Variants in MRPL18 observed in about 807,000 individuals in gnomAD.
MRPL18 encodes large ribosomal subunit protein uL18m.
MRPL18 carries 16 observed loss-of-function variants against 20.9 expected under a neutral mutation model. The ratio of observed to expected loss-of-function variants is 0.76; its 90% CI spans 0.52 to 1.16. The LOEUF (loss-of-function observed/expected upper bound fraction) is 1.16, where lower values mean the gene tolerates loss of function less well. MRPL18 is among the 50% of genes most tolerant of loss of function. The probability of loss-of-function intolerance (pLI) is 0.00; values close to 1 mark genes in which losing one functional copy is unlikely to be tolerated. For synonymous variants in MRPL18, 91 were observed against 87.1 expected (o/e 1.04, Z -0.25); for missense variants, 233 against 230.6 (o/e 1.01, Z -0.07).
At chr6:159,795,246 C>T (rs1780999902) in intron 2 of MRPL18, among the ~76,000 whole-genome samples, 1 of 152,150 alleles carries the variant, frequency 6.6e-6, no homozygotes, top group Admixed American at 6.5e-5. Context: ...GCATGCCTTC[C>T]TCTTATACTA....
rs1780986473 is a variant in MRPL18, at chr6:159,794,640, T to C, written c.240-2647T>C. ...ATCGAATTGTCTTGTCCATGCATTT[T>C]GTTAGTGAGATTGAGCATATTTTTG... On this transcript the variant is annotated intron_variant, in intron 2 of 3. Transcript: ENST00000367034. Among the ~76,000 whole-genome samples the C allele has an allele frequency of 2.0e-5, 3 of 152,366 alleles. No homozygotes were observed. In the South Asian group the frequency reaches 6.2e-4, roughly 32 times the overall value.
chr6:159,790,169 G>C, upstream of MRPL18: 1 of 238,848 alleles, frequency 4.2e-6, no homozygotes, highest in South Asian at 7.1e-5. Flanking sequence ...GGAGAAAACT[G>C]CATCTTGCCC....
intron 1 of MRPL18, 24 bp downstream of exon 1, chr6:159,790,663 C>G (rs775713593): frequency 6.2e-7 from 1 of 1,613,320 alleles, no homozygotes; most frequent in Non-Finnish European, 8.5e-7. Flanking sequence ...CCCCCCTTCT[C>G]CCAGCTCACT....
rs374235021 is a variant in MRPL18 at position 159,797,436 on chromosome 6, G to A, written c.389G>A (p.Arg130Gln). 9 of 1,614,018 alleles carry A rather than the reference G, an allele frequency of 5.6e-6. No homozygotes were observed. The highest frequency in any genetic ancestry group is 4.4e-5 in the South Asian group (4 of 91,072). Reference protein sequence around the residue: ...RNVVACESIGRVLAQRCLEAG... With the variant: ...RNVVACESIGQVLAQRCLEAG... ...GTGGTGGCTTGTGAGAGTATAGGAC[G>A]AGTGCTGGCACAGAGATGCTTAGAG... The change falls in exon 3 of 4, where the codon CGA (arginine) becomes CAA (glutamine). Residue 130 changes from arginine to glutamine, a missense_variant. By Grantham distance (43) the Arg-to-Gln change is conservative. Transcript: ENST00000367034.
intron 2 of MRPL18, among the ~76,000 whole-genome samples, chr6:159,795,192 A>G (rs1209886257): frequency 6.6e-6 from 1 of 152,074 alleles, no homozygotes; most frequent in Non-Finnish European, 1.5e-5. Flanking sequence ...TTGCCCAGGG[A>G]CAGGCAGGAG....
chr6:159,793,375 T>TA (rs58471961), intron 2 of MRPL18, among the ~76,000 whole-genome samples: 9,457 of 150,354 alleles, frequency 0.063, 583 homozygotes, highest in African/African-American at 0.16. Context: ...TTTTTTAAGT[T>TA]AAAAAAAAAA....
intron 3 of MRPL18, among the ~76,000 whole-genome samples, chr6:159,797,838 A>T (rs1046284320): frequency 5.3e-5 from 8 of 152,210 alleles, no homozygotes; most frequent in African/African-American, 1.9e-4. Context: ...CATCTTGTCC[A>T]TATAATATTT....
At chr6:159,789,979 G>A (rs758437707), upstream of MRPL18, 24 of 179,086 alleles carry the variant, frequency 1.3e-4, no homozygotes, top group Non-Finnish European at 2.9e-4. Flanking sequence ...CGAGTCGTGC[G>A]TTTTAGGTTT....
chr6:159,797,122 C>T (rs1193202896), intron 2 of MRPL18, among the ~76,000 whole-genome samples, 165 bp from the exon 3 acceptor site: 1 of 151,898 alleles, frequency 6.6e-6, no homozygotes, highest in African/African-American at 2.4e-5. Context: ...CTCATAAAGG[C>T]GGAGGAAAAA....
chr6:159,790,861 C>T, intron 1 of MRPL18, 79 bp from the exon 2 acceptor site: 2 of 1,541,568 alleles, frequency 1.3e-6, no homozygotes, highest in South Asian at 1.2e-5. Context: ...GGTGTAAAAG[C>T]GGATAGACGT....
rs1364421511 is a variant in MRPL18 at position 159,798,147 on chromosome 6, C to G, written c.*24C>G. The G allele has an allele frequency of 6.3e-7, 1 of 1,582,880 alleles. No homozygotes were observed. The highest frequency in any genetic ancestry group is 1.7e-5 in the Admixed American group (1 of 59,084). ...AAATGGAAGCATTAATTGTTTTGAA[C>G]ATGTAAATATAAATCTGTCAGCCAC... On this transcript the variant is annotated 3_prime_UTR_variant, in exon 4 of 4. Transcript: ENST00000367034.
In MRPL18 at chr6:159,791,106, C is replaced by T. The variant is rs1271639117; in HGVS notation, c.219C>T (p.Pro73=). 1 of 1,614,182 alleles carries T rather than the reference C, an allele frequency of 6.2e-7. No homozygotes were observed. The highest frequency in any genetic ancestry group is 8.5e-7 in the Non-Finnish European group (1 of 1,180,028). ...RKERGWRTVF[P]SREFWHRLRV... is the part of the protein sequence containing the mutation. ...AGCGGGGCTGGCGGACGGTGTTTCC[C>T]TCCCGTGAGTTCTGGCACAGGTAAT... is the stretch of plus-strand genomic sequence containing the variant. The change falls in exon 2 of 4, where the codon CCC becomes CCT. Residue 73 remains proline (P), a synonymous_variant. Coordinates refer to ENST00000367034, the MANE Select transcript of MRPL18 (RefSeq NM_014161.5).
At chr6:159,790,904 A>G (rs892483587) in intron 1 of MRPL18, 36 bp from the exon 2 acceptor site, 3 of 1,611,746 alleles carry the variant, frequency 1.9e-6, no homozygotes, top group Middle Eastern at 1.7e-4. Context: ...CATATCCGTC[A>G]TTTTTAAGCC....
chr6:159,790,604 G>C lies in MRPL18; in HGVS notation c.17G>C (p.Arg6Pro), dbSNP rs1128670. The change falls in exon 1 of 4, where the codon CGG becomes CCG. Residue 6 changes from arginine to proline, a missense_variant. Physicochemically the swap from Arg to Pro is moderately radical, Grantham distance 103. Transcript: ENST00000367034. ...GTCTCAGCGATGGCGCTTCGGTCGC[G>C]GTTTTGGGGGTTGTTCTCGGTTTGC... MALRS[R>P]FWGLFSVCRN... 7.4e-6 allele frequency: 12 copies of C among 1,613,864 alleles called. No homozygotes were observed. In the South Asian group the frequency reaches 1.2e-4, roughly 16 times the overall value.
In MRPL18 at chr6:159,791,037, C is replaced by T. The variant is rs1780876938; in HGVS notation, c.150C>T (p.Asn50=). 9.9e-6 allele frequency: 16 copies of T among 1,614,058 alleles called. No individual in the cohort carries two copies. The highest frequency in any genetic ancestry group is 1.3e-5 in the Non-Finnish European group (15 of 1,180,036). Residue 50 remains asparagine, a synonymous_variant, in exon 2 of 4, where the codon AAC becomes AAT. Transcript: ENST00000367034. ...AAGCTGTCGCCCCAGAATTCACCAA[C>T]CGGAACCCCCGGAACCTGGAGCTTT... The part of the protein sequence containing the change: ...ENEAVAPEFT[N]RNPRNLELLS...
chr6:159,790,702 G>A, intron 1 of MRPL18, 63 bp downstream of exon 1: 1 of 1,587,456 alleles, frequency 6.3e-7, no homozygotes, highest in Non-Finnish European at 8.6e-7. Context: ...ACATTGGAAC[G>A]TGCGGGTTCT....
At chr6:159,794,369 C>G (rs36112104) in intron 2 of MRPL18, among the ~76,000 whole-genome samples, 71,816 of 151,898 alleles carry the variant, frequency 0.47, 18,000 homozygotes, top group Non-Finnish European at 0.55. Context: ...GTTACTTAAC[C>G]TTTCTGTGTT....
At chr6:159,791,151 CA>C (rs748707932) in intron 2 of MRPL18, 25 bp downstream of exon 2, 22 of 1,613,026 alleles carry the variant, frequency 1.4e-5, no homozygotes, top group Non-Finnish European at 1.9e-5. Flanking sequence ...TTGTGATTGA[CA>C]AGGGCAGTGC....
chr6:159,790,578 C>A lies in MRPL18; in HGVS notation c.-10C>A, dbSNP rs1207521613. On this transcript the variant is annotated 5_prime_UTR_variant, in exon 1 of 4. Transcript: ENST00000367034. ...AAAAGAGGCGAGGCTTTTCCGAGAT[C>A]GTCTCAGCGATGGCGCTTCGGTCGC... 6.2e-7 allele frequency: 1 copy of A among 1,611,836 alleles called. No individual in the cohort carries two copies. The highest frequency in any genetic ancestry group is 8.5e-7 in the Non-Finnish European group (1 of 1,179,530).
Sources: gnomAD v4.1 joint callset for allele counts (sites outside exome capture counted in the v4.1 genomes callset) on GRCh38, gnomAD v4.1.1 for gene constraint, MANE v1.5 for transcripts, NCBI Gene and HGNC (gene_info 2026-07-23, HGNC 2026-07-21) for gene names.